The following PPFIA2 variants were observed in gnomAD, a reference collection of about 807,000 sequenced individuals.
PPFIA2 encodes PPFI scaffold protein A2.
PPFIA2 carries 46 observed loss-of-function variants against 175.5 expected under a neutral mutation model. The observed-to-expected ratio is 0.26, with a 90% CI of 0.21 to 0.34. The LOEUF is 0.34. Among genes scored for constraint, PPFIA2 ranks in the 10% least tolerant of loss-of-function variants. PPFIA2 has a pLI of 1.00. For synonymous variants in PPFIA2, 568 were observed against 511.4 expected, an observed-to-expected ratio of 1.11 and a Z score of -1.49; for missense variants, 1,179 against 1,506.1, an observed-to-expected ratio of 0.78 and a Z score of 3.60.
intron 4 of PPFIA2, among the ~76,000 whole-genome samples, chr12:81,664,684 T>C (rs933739535): frequency 1.4e-4 from 21 of 152,102 alleles, no homozygotes; most frequent in African/African-American, 4.4e-4. Flanking sequence ...ATCCCATTAC[T>C]GGGTACATAC....
chr12:81,650,795 T>C (rs1264371106), intron 4 of PPFIA2, among the ~76,000 whole-genome samples: 2 of 152,156 alleles, frequency 1.3e-5, no homozygotes. Context: ...GTGGAAGCTA[T>C]GATTGTTCTT....
At chr12:81,546,850 G>A (rs1285204590) in intron 4 of PPFIA2, among the ~76,000 whole-genome samples, 2 of 151,958 alleles carry the variant, frequency 1.3e-5, no homozygotes, top group African/African-American at 4.8e-5. Flanking sequence ...AGAAAGCAAT[G>A]GATTTATGGT....
chr12:81,638,947 A>G (rs929865882), intron 4 of PPFIA2, among the ~76,000 whole-genome samples: 2 of 151,830 alleles, frequency 1.3e-5, no homozygotes, highest in African/African-American at 4.8e-5. Context: ...TCGGCCTCCC[A>G]AAGTGCTGGG....
At chr12:81,278,959 G>A (rs1004225669) in intron 27 of PPFIA2, among the ~76,000 whole-genome samples, 1 of 152,150 alleles carries the variant, frequency 6.6e-6, no homozygotes, top group Non-Finnish European at 1.5e-5. Flanking sequence ...AGAGAAAAAT[G>A]GAAAGAAAAT....
intron 4 of PPFIA2, among the ~76,000 whole-genome samples, chr12:81,662,677 A>C (rs1423062525): frequency 6.6e-6 from 1 of 152,126 alleles, no homozygotes. Context: ...TTGAAAAAGA[A>C]GTAATCCTCC....
At chr12:81,319,770 C>T (rs561594959) in intron 22 of PPFIA2, among the ~76,000 whole-genome samples, 222 of 152,004 alleles carry the variant, frequency 1.5e-3, no homozygotes, top group Non-Finnish European at 2.1e-3. Flanking sequence ...CTCTTATTGT[C>T]AAAGTTTTGG....
intron 15 of PPFIA2, among the ~76,000 whole-genome samples, 188 bp downstream of exon 15, chr12:81,362,505 G>A (rs2031230437): frequency 6.6e-6 from 1 of 150,526 alleles, no homozygotes; most frequent in Non-Finnish European, 1.5e-5. Context: ...ATTATCTACA[G>A]AAATAATCTC....
intron 3 of PPFIA2, among the ~76,000 whole-genome samples, chr12:81,743,112 C>G (rs1044160789): frequency 6.6e-6 from 1 of 151,758 alleles, no homozygotes; most frequent in African/African-American, 2.4e-5. Flanking sequence ...TAAGAACAGA[C>G]GTAGCCAATT....
intron 4 of PPFIA2, among the ~76,000 whole-genome samples, chr12:81,576,078 C>T (rs185442262): frequency 1.3e-5 from 2 of 151,582 alleles, no homozygotes; most frequent in African/African-American, 4.8e-5. Flanking sequence ...TCCCATTTCA[C>T]GTGACCACAC....
At chr12:81,371,216 A>G (rs551530478) in intron 11 of PPFIA2, among the ~76,000 whole-genome samples, 2 of 151,904 alleles carry the variant, frequency 1.3e-5, no homozygotes, top group Middle Eastern at 3.4e-3. Flanking sequence ...TTTAGAAGCT[A>G]TACAGAGTTA....
intron 12 of PPFIA2, 21 bp from the exon 13 acceptor site, chr12:81,368,877 A>G: frequency 6.3e-7 from 1 of 1,592,912 alleles, no homozygotes; most frequent in Non-Finnish European, 8.5e-7. Context: ...AAAAAATGAC[A>G]TAAAAATCCA....
chr12:81,421,818 C>T (rs1218876592), intron 7 of PPFIA2, among the ~76,000 whole-genome samples: 1 of 151,660 alleles, frequency 6.6e-6, no homozygotes, highest in African/African-American at 2.4e-5. Context: ...ACTCATTTTA[C>T]ATATAAAGAC....
At chr12:81,712,308 T>C (rs1443024114) in intron 3 of PPFIA2, among the ~76,000 whole-genome samples, 1 of 151,438 alleles carries the variant, frequency 6.6e-6, no homozygotes, top group Non-Finnish European at 1.5e-5. Context: ...GAGATTTATA[T>C]AAATATGCCA....
At position 81,353,313 on chromosome 12, in the gene PPFIA2, C is replaced by G; in HGVS notation, c.1800G>C (p.Trp600Cys). ...GTACTCCAATCTGTTGAGTTCTATT[C>G]CACTCGTGATCCCCAAGAGATTTCA... Reference protein sequence around the residue: ...PKVKSLGDHEWNRTQQIGVLS... With the variant: ...PKVKSLGDHECNRTQQIGVLS... The change falls in exon 17 of 33, where the codon TGG becomes TGC. Residue 600 changes from tryptophan (W) to cysteine (C), a missense_variant. This residue lies in a region of PPFIA2 where 186 missense variants were observed against 163.6 expected (regional missense o/e 1.14). Transcript: ENST00000549396. The G allele has an allele frequency of 1.2e-6, 2 of 1,613,266 alleles. No homozygotes were observed. The highest frequency in any genetic ancestry group is 1.7e-6 in the Non-Finnish European group (2 of 1,179,464).
chr12:81,687,532 C>A (rs1187735615), intron 3 of PPFIA2: 1 of 151,958 alleles, frequency 6.6e-6, no homozygotes, highest in Non-Finnish European at 1.5e-5. Context: ...GAGGTACTGT[C>A]CCAAGAAACT....
chr12:81,650,524 T>C (rs1314512059), intron 4 of PPFIA2, among the ~76,000 whole-genome samples: 1 of 152,096 alleles, frequency 6.6e-6, no homozygotes, highest in East Asian at 1.9e-4. Context: ...TAGACTTATA[T>C]CCTATAGGAA....
chr12:81,618,894 T>C (rs1287582447), intron 4 of PPFIA2, among the ~76,000 whole-genome samples: 1 of 152,188 alleles, frequency 6.6e-6, no homozygotes, highest in Non-Finnish European at 1.5e-5. Context: ...ATTCATTCAT[T>C]AATTCAACAA....
At chr12:81,308,036 C>A (rs920344437) in intron 22 of PPFIA2, among the ~76,000 whole-genome samples, 2 of 152,164 alleles carry the variant, frequency 1.3e-5, no homozygotes, top group African/African-American at 4.8e-5. Context: ...AATACCATAA[C>A]TTGTATCTAT....
intron 3 of PPFIA2, among the ~76,000 whole-genome samples, chr12:81,702,695 A>AGACTAAATG (rs2076638724): frequency 6.6e-6 from 1 of 152,130 alleles, no homozygotes. Context: ...CAGTTGTTAT[A>AGACTAAATG]GACTAAATGC....
Sources: allele counts gnomAD v4.1 joint callset (sites outside exome capture counted in the v4.1 genomes callset), GRCh38; gene constraint gnomAD v4.1.1; regional missense constraint gnomAD v4.1.1; transcripts MANE v1.5; gene names NCBI Gene and HGNC (gene_info 2026-07-23, HGNC 2026-07-21).